Variants in BCL11B observed in about 807,000 individuals in gnomAD.
The protein encoded by BCL11B is B-cell lymphoma/leukemia 11B.
BCL11B carries 8 observed loss-of-function variants against 49.9 expected under a neutral mutation model. That is an observed-to-expected ratio of 0.16 (90% confidence interval 0.09 to 0.29). BCL11B has a LOEUF of 0.29. Ranked by LOEUF, BCL11B falls within the 10% of genes least tolerant of loss-of-function variation. BCL11B has a pLI of 1.00. For synonymous variants in BCL11B, 739 were observed against 637.4 expected (o/e 1.16, Z -2.40); for missense variants, 1,006 against 1,351.0 (o/e 0.74, Z 4.00).
rs1000971665 is a variant in BCL11B, at chr14:99,231,709, A to G, written c.428-152T>C. ...GGTGCCAGGCCCTGCAGGGAAGGCA[A>G]TCGGGACACAGGCGAGGGAATGGGC... is the stretch of plus-strand genomic sequence containing the variant. On this transcript the variant is annotated intron_variant, in intron 2 of 3. Coordinates refer to ENST00000357195, the MANE Select transcript of BCL11B (RefSeq NM_138576.4). This position sits in a 1 kb window ranked among gnomAD's most constrained non-coding sequence, Gnocchi z 8.1. 1 of 720,482 alleles carries G rather than the reference A, an allele frequency of 1.4e-6. No individual in the cohort carries two copies. Among genetic ancestry groups the G allele is most frequent in the Admixed American group, 2.7e-5 (1 of 37,400 alleles). The allele number at this position is 720,482 out of a possible 1,614,324, so 44.6% of individuals were successfully genotyped here.
At position 99,231,362 on chromosome 14, in the gene BCL11B, C is replaced by A; in HGVS notation, c.623G>T (p.Cys208Phe). The part of the protein sequence containing the change: ...GEGQTEAPFG[C>F]QCQLSGKDEP... ...TCTGTTACCTGACAACTGACACTGGCATCCAAAGGGAGCCTCCGTCTGACC... is the reference window on the plus strand; with the variant it reads ...TCTGTTACCTGACAACTGACACTGGAATCCAAAGGGAGCCTCCGTCTGACC... Residue 208 changes from cysteine (C) to phenylalanine (F), a missense_variant, in exon 3 of 4, where the codon TGC becomes TTC. By Grantham distance (205) the Cys-to-Phe change is radical. Around this residue, in one of 6 missense-constraint regions of BCL11B, gnomAD observed 411 missense variants for 542.2 expected, o/e 0.76. Transcript: ENST00000357195. This position sits in a 1 kb window ranked among gnomAD's most constrained non-coding sequence, Gnocchi z 8.1. The A allele has an allele frequency of 6.2e-7, 1 of 1,609,126 alleles. No individual in the cohort carries two copies. The highest frequency in any genetic ancestry group is 8.5e-7 in the Non-Finnish European group (1 of 1,178,460).
In BCL11B at chr14:99,257,927, C is replaced by G; in HGVS notation, c.59-88G>C. The G allele has an allele frequency of 7.2e-7, 1 of 1,388,892 alleles. No individual in the cohort carries two copies. The highest frequency in any genetic ancestry group is 2.5e-5 in the East Asian group (1 of 40,592). 86.0% of individuals were successfully genotyped at this position (1,388,892 alleles called of 1,614,324 possible). ...GCACCCAACTTCCGGTCCACCCCTT[C>G]CCCGCCAAGAAGCAGCCCCCTCTGC... On this transcript the variant is annotated intron_variant, in intron 1 of 3. Coordinates refer to ENST00000357195, the MANE Select transcript of BCL11B (RefSeq NM_138576.4). This position sits in a 1 kb window ranked among gnomAD's most constrained non-coding sequence, Gnocchi z 6.2.
chr14:99,196,713 T>C (rs975487692), intron 3 of BCL11B, among the ~76,000 whole-genome samples: 5 of 152,204 alleles, frequency 3.3e-5, no homozygotes, highest in Admixed American at 1.3e-4. Context: ...AGAGGATACC[T>C]GTGTCCACAA....
chr14:99,170,571 G>T lies in BCL11B; in HGVS notation c.*3580C>A, dbSNP rs187578511. The T allele has an allele frequency of 1.3e-5, 3 of 231,110 alleles. No individual in the cohort carries two copies. Among genetic ancestry groups the T allele is most frequent in the East Asian group, 1.2e-4 (2 of 16,286 alleles). 14.3% of individuals were successfully genotyped at this position (231,110 alleles called of 1,614,324 possible). A position where few individuals can be genotyped will look rare whatever the true frequency, so the allele number is the denominator to read the frequency against. On this transcript the variant is annotated 3_prime_UTR_variant, in exon 4 of 4. Transcript: ENST00000357195. ...GAAGAAAAGAAATTAAATAAAAAAT[G>T]AAAGAAAAAAAAAGGACCAATGGAG... is the stretch of plus-strand genomic sequence containing the variant.
intron 3 of BCL11B, among the ~76,000 whole-genome samples, chr14:99,204,833 G>A (rs979790983): frequency 5.3e-5 from 8 of 152,342 alleles, no homozygotes; most frequent in African/African-American, 1.9e-4. Flanking sequence ...GTCACGAAGG[G>A]CTGCCTGCAT....
At chr14:99,183,575 C>G (rs199646734) in intron 3 of BCL11B, among the ~76,000 whole-genome samples, 3 of 152,122 alleles carry the variant, frequency 2.0e-5, no homozygotes, top group African/African-American at 7.2e-5. Flanking sequence ...CACAGGGCTT[C>G]AGGGTCCTCA....
At chr14:99,239,319 T>G (rs1198843348) in intron 2 of BCL11B, among the ~76,000 whole-genome samples, 2 of 152,248 alleles carry the variant, frequency 1.3e-5, no homozygotes, top group African/African-American at 2.4e-5. Flanking sequence ...ACATGTCATC[T>G]GCATGAAGAA....
At chr14:99,196,263 C>A in intron 3 of BCL11B, among the ~76,000 whole-genome samples, 1 of 152,276 alleles carries the variant, frequency 6.6e-6, no homozygotes, top group East Asian at 1.9e-4. Context: ...AACCAGGCAA[C>A]CAGGGGAGGA....
intron 2 of BCL11B, among the ~76,000 whole-genome samples, chr14:99,245,171 C>G (rs1336992230): frequency 6.6e-6 from 1 of 152,206 alleles, no homozygotes; most frequent in Admixed American, 6.5e-5. Context: ...TGTTGAAGTG[C>G]TTTAAACAAT....
intron 1 of BCL11B, among the ~76,000 whole-genome samples, chr14:99,264,909 C>A (rs1283060639): frequency 1.3e-5 from 2 of 152,164 alleles, no homozygotes; most frequent in African/African-American, 4.8e-5. Flanking sequence ...CAGCACACGG[C>A]GTTTCTTGGG....
In BCL11B at chr14:99,206,861, C is replaced by A. The variant is rs890637224; in HGVS notation, c.640+24484G>T. On this transcript the variant is annotated intron_variant, in intron 3 of 3. Transcript: ENST00000357195. ...ACTGGGTGTCTTGGAACATATCCCC[C>A]CAAGGATTAGGAGGAGACTACTATA... 3.3e-5 allele frequency among the ~76,000 whole-genome samples: 5 copies of A among 152,256 alleles called. No individual in the cohort carries two copies. The South Asian group carries it at 1.0e-3, about 32-fold the overall frequency.
At chr14:99,185,805 G>T (rs1395590501) in intron 3 of BCL11B, among the ~76,000 whole-genome samples, 1 of 152,180 alleles carries the variant, frequency 6.6e-6, no homozygotes, top group Non-Finnish European at 1.5e-5. Context: ...CTCCCGAGGT[G>T]CTTTCCTGGG....
intron 3 of BCL11B, among the ~76,000 whole-genome samples, chr14:99,202,321 C>G (rs1477813665): frequency 6.6e-6 from 1 of 152,154 alleles, no homozygotes; most frequent in African/African-American, 2.4e-5. Flanking sequence ...TCACTTGTTT[C>G]TGGTGAAAGC....
intron 3 of BCL11B, among the ~76,000 whole-genome samples, chr14:99,225,073 A>G (rs1401621103): frequency 2.0e-5 from 3 of 152,090 alleles, no homozygotes; most frequent in Non-Finnish European, 4.4e-5. Context: ...CCTGCTACCA[A>G]TCTCATTGCA....
intron 2 of BCL11B, among the ~76,000 whole-genome samples, chr14:99,237,689 G>T (rs545074930): frequency 6.6e-6 from 1 of 152,298 alleles, no homozygotes; most frequent in African/African-American, 2.4e-5. Context: ...GGAAAGTCAG[G>T]TCTCACAAGG....
intron 3 of BCL11B, among the ~76,000 whole-genome samples, chr14:99,189,980 G>A (rs1164450800): frequency 6.6e-6 from 1 of 152,170 alleles, no homozygotes; most frequent in Non-Finnish European, 1.5e-5. Flanking sequence ...CAGAAGCAGG[G>A]GTGTGGGCCG....
rs750113506 is a variant in BCL11B, at chr14:99,205,738, C to A, written c.640+25607G>T. Among the ~76,000 whole-genome samples the A allele has an allele frequency of 2.6e-5, 4 of 152,188 alleles. No homozygotes were observed. The highest frequency in any genetic ancestry group is 5.9e-5 in the Non-Finnish European group (4 of 68,044). ...GAATTCCCAGAAAGTTCTGTTCCCA[C>A]ATTTTACCTCCAAAATTAAAAGAAA... On this transcript the variant is annotated intron_variant, in intron 3 of 3. Transcript: ENST00000357195. This position sits in a 1 kb window ranked among gnomAD's most constrained non-coding sequence, Gnocchi z 5.0.
At chr14:99,196,996 T>C (rs777625486) in intron 3 of BCL11B, among the ~76,000 whole-genome samples, 5 of 152,226 alleles carry the variant, frequency 3.3e-5, no homozygotes, top group Non-Finnish European at 7.3e-5. Flanking sequence ...GTTCCTTCCA[T>C]GTTCAGAACC....
At chr14:99,222,068 AACTGTATCT>A (rs1888025497) in intron 3 of BCL11B, among the ~76,000 whole-genome samples, 1 of 152,182 alleles carries the variant, frequency 6.6e-6, no homozygotes, top group Admixed American at 6.5e-5. Context: ...TGTTTGAATA[AACTGTATCT>A]CATGGTTTAG....
Sources: gnomAD v4.1 joint callset for allele counts (sites outside exome capture counted in the v4.1 genomes callset) on GRCh38, gnomAD v4.1.1 for gene constraint, gnomAD v4.1.1 regional missense constraint, Gnocchi (gnomAD v3.1) non-coding constraint, MANE v1.5 for transcripts, NCBI Gene and HGNC (gene_info 2026-07-23, HGNC 2026-07-21) for gene names.